The following SV2C variants were observed in gnomAD, a reference collection of about 807,000 sequenced individuals.
SV2C encodes the protein synaptic vesicle glycoprotein 2C, also known as solute carrier family 22 member B3.
Under a neutral mutation model 79.7 loss-of-function variants are expected in SV2C, and 49 were observed. That is an observed-to-expected ratio of 0.61 (90% CI 0.49 to 0.78). The LOEUF (loss-of-function observed/expected upper bound fraction) is 0.78. SV2C is among the 30% of genes least tolerant of loss of function. The pLI is 0.00. For missense variants in SV2C, 833 were observed against 912.9 expected (o/e 0.91, Z 1.13); for synonymous variants, 334 against 333.2 (o/e 1.00, Z -0.03).
chr5:75,869,769 C>G, the SV2C span, among the ~76,000 whole-genome samples: 1 of 152,186 alleles, frequency 6.6e-6, no homozygotes, highest in Non-Finnish European at 1.5e-5. Flanking sequence ...CACAGGGACG[C>G]TTGTGTCACA....
At chr5:76,132,454 A>G (rs1462042725) in intron 2 of SV2C, 124 bp downstream of exon 2, 1 of 1,004,148 alleles carries the variant, frequency 1.0e-6, no homozygotes, top group Non-Finnish European at 1.4e-6. Flanking sequence ...ATTTTTTATT[A>G]CAAAAAACTT....
chr5:76,206,352 G>T (rs909373612), intron 3 of SV2C, among the ~76,000 whole-genome samples: 2 of 152,148 alleles, frequency 1.3e-5, no homozygotes, highest in African/African-American at 4.8e-5. Context: ...ATGCCCAGTG[G>T]GATTGCCCAG....
At chr5:76,258,150 G>A (rs1424249690) in intron 4 of SV2C, among the ~76,000 whole-genome samples, 1 of 147,912 alleles carries the variant, frequency 6.8e-6, no homozygotes, top group Non-Finnish European at 1.5e-5. Flanking sequence ...GTGTGTGTAT[G>A]TGTGTGTAAG....
chr5:76,251,796 T>C (rs1746124864), intron 4 of SV2C, among the ~76,000 whole-genome samples: 1 of 152,228 alleles, frequency 6.6e-6, no homozygotes, highest in Non-Finnish European at 1.5e-5. Flanking sequence ...TTGAGCTTGC[T>C]AACAAGGTCT....
the SV2C span, among the ~76,000 whole-genome samples, chr5:75,848,955 A>T: frequency 6.6e-6 from 1 of 152,354 alleles, no homozygotes; most frequent in South Asian, 2.1e-4. Context: ...GTTTTGAGAT[A>T]ATATACATTA....
the SV2C span, among the ~76,000 whole-genome samples, chr5:76,060,300 A>G: frequency 6.6e-6 from 1 of 152,100 alleles, no homozygotes; most frequent in East Asian, 1.9e-4. Flanking sequence ...CCTAGATGGC[A>G]TCTTCTTCCA....
rs754834890 is a variant in SV2C at position 76,270,691 on chromosome 5, C to T, written c.914-14471C>T. On this transcript the variant is annotated intron_variant, in intron 4 of 12. Coordinates refer to ENST00000502798, the MANE Select transcript of SV2C (RefSeq NM_014979.4). ...GTGTTGGGGCTCAAACGAGCAGATG[C>T]GAAGCCTTTTATGGCTTTGCTACTC... Among the ~76,000 whole-genome samples, 7 of 152,036 alleles carry T rather than the reference C, an allele frequency of 4.6e-5. No individual in the cohort carries two copies. In the East Asian group the frequency reaches 5.8e-4, roughly 13 times the overall value.
At chr5:75,847,571 A>G in the SV2C span, among the ~76,000 whole-genome samples, 1 of 152,250 alleles carries the variant, frequency 6.6e-6, no homozygotes, top group Non-Finnish European at 1.5e-5. Flanking sequence ...TTTCAAGTCC[A>G]ACTTGTATAG....
the SV2C span, among the ~76,000 whole-genome samples, chr5:75,860,255 C>G: frequency 1.5e-3 from 224 of 152,242 alleles, 1 homozygote; most frequent in African/African-American, 5.2e-3. Context: ...AATATTCAAG[C>G]TGAGAATCAA....
At chr5:76,341,182 C>T (rs943469505) in intron 12 of SV2C, among the ~76,000 whole-genome samples, 9 of 152,118 alleles carry the variant, frequency 5.9e-5, no homozygotes, top group Non-Finnish European at 1.2e-4. Context: ...CCACCCACCT[C>T]GGCCTCCCAA....
At chr5:76,337,385 G>A (rs1198597262), downstream of SV2C, among the ~76,000 whole-genome samples, 4 of 152,020 alleles carry the variant, frequency 2.6e-5, no homozygotes, top group African/African-American at 7.2e-5. Flanking sequence ...TTTTCAACTC[G>A]AATACCTCCT....
the SV2C span, among the ~76,000 whole-genome samples, chr5:75,858,234 G>C: frequency 6.6e-6 from 1 of 152,196 alleles, no homozygotes; most frequent in Non-Finnish European, 1.5e-5. Flanking sequence ...GATGCTAGGT[G>C]TGGGTCTATT....
At position 76,333,127 on chromosome 5, in the gene SV2C, G is replaced by A. The variant is rs1749232403; in HGVS notation, c.*7580G>A. On this transcript the variant is annotated 3_prime_UTR_variant, in exon 13 of 13. Coordinates refer to ENST00000502798, the MANE Select transcript of SV2C (RefSeq NM_014979.4). ...CTCTTGCGCCCACGTAGTCATCCAA[G>A]AAGGAAACTCCTTTCTTGCCTTGAT... 2 of 152,176 alleles carry A rather than the reference G, an allele frequency of 1.3e-5. No homozygotes were observed. The highest frequency in any genetic ancestry group is 2.4e-5 in the African/African-American group (1 of 41,432). The allele number at this position is 152,176 out of a possible 1,614,324, so 9.4% of individuals were successfully genotyped here.
At chr5:76,212,022 A>T (rs1744781860) in intron 4 of SV2C, among the ~76,000 whole-genome samples, 1 of 152,176 alleles carries the variant, frequency 6.6e-6, no homozygotes, top group Non-Finnish European at 1.5e-5. Context: ...CTTATGGGCC[A>T]GAGATGCCCT....
At chr5:76,350,569 T>C (rs1172946989) in intron 12 of SV2C, among the ~76,000 whole-genome samples, 6 of 152,240 alleles carry the variant, frequency 3.9e-5, no homozygotes, top group African/African-American at 1.2e-4. Context: ...CAAGTATCTT[T>C]ATTCAGTCAC....
chr5:76,317,328 C>A (rs1479405728), intron 12 of SV2C, among the ~76,000 whole-genome samples: 1 of 152,054 alleles, frequency 6.6e-6, no homozygotes, highest in Non-Finnish European at 1.5e-5. Context: ...TTCAAAATGC[C>A]CCATGCTGAG....
chr5:76,125,536 G>T (rs1381326698), intron 1 of SV2C, among the ~76,000 whole-genome samples: 1 of 152,150 alleles, frequency 6.6e-6, no homozygotes, highest in Non-Finnish European at 1.5e-5. Context: ...AAATGATTGG[G>T]TAACAAATTT....
chr5:75,853,844 A>AT, the SV2C span, among the ~76,000 whole-genome samples: 4 of 151,098 alleles, frequency 2.6e-5, no homozygotes, highest in East Asian at 7.7e-4. Context: ...GTCTTTAAAA[A>AT]TTTTTTTTTA....
chr5:75,932,499 G>A, the SV2C span, among the ~76,000 whole-genome samples: 1 of 152,190 alleles, frequency 6.6e-6, no homozygotes, highest in South Asian at 2.1e-4. Flanking sequence ...CAAACAGTTT[G>A]ACCCACATAT....
Sources: gnomAD v4.1 joint callset for allele counts (sites outside exome capture counted in the v4.1 genomes callset) on GRCh38, gnomAD v4.1.1 for gene constraint, MANE v1.5 for transcripts, NCBI Gene and HGNC (gene_info 2026-07-23, HGNC 2026-07-21) for gene names.